UIMC1: variants seen among roughly 807,000 people sequenced by gnomAD.
The protein encoded by UIMC1 is ubiquitin interaction motif containing 1, also known as BRCA1-A complex subunit RAP80.
UIMC1 carries 42 observed loss-of-function variants against 84.9 expected under a neutral mutation model. The ratio of observed to expected loss-of-function variants is 0.49; its 90% CI spans 0.39 to 0.64. The LOEUF is 0.64. Among genes scored for constraint, UIMC1 ranks in the 30% least tolerant of loss-of-function variants. The pLI, the probability that UIMC1 is intolerant of heterozygous loss-of-function variation, is 0.00. For synonymous variants in UIMC1, 281 were observed against 293.0 expected (o/e 0.96, Z 0.42); for missense variants, 825 against 847.6 (o/e 0.97, Z 0.33).
At position 176,913,500 on chromosome 5, in the gene UIMC1, A is replaced by G. The variant is rs141816091; in HGVS notation, c.1598-2111T>C. ...TGTAGCACCCCAAACAGAATCCAAT[A>G]TTCAACAAACAATCCAACTAGTAAA... On this transcript the variant is annotated intron_variant, in intron 10 of 14. Transcript: ENST00000511320. Among the ~76,000 whole-genome samples, 299 of 152,372 alleles carry G rather than the reference A, an allele frequency of 2.0e-3. 1 individual carries two copies. The highest frequency in any genetic ancestry group is 6.8e-3 in the African/African-American group (284 of 41,594).
rs927260711 is a variant in UIMC1 at position 176,943,370 on chromosome 5, G to A, written c.1562C>T (p.Ala521Val). ...CTCCATCAGACCATTGCAGTACATG[G>A]CATGTCGTTCAATCTTTGTGGGTGG... ...CFPPTKIERH[A>V]MYCNGLMEED... is the part of the protein sequence containing the mutation. Residue 521 changes from alanine (A) to valine (V), a missense_variant, in exon 10 of 15, where the codon GCC (alanine) becomes GTC (valine). Physicochemically the swap from Ala to Val is moderately conservative, Grantham distance 64. Coordinates refer to ENST00000511320, the MANE Select transcript of UIMC1 (RefSeq NM_001199298.2). The A allele has an allele frequency of 2.5e-6, 4 of 1,614,060 alleles. No homozygotes were observed. Among genetic ancestry groups the A allele is most frequent in the Non-Finnish European group, 3.4e-6 (4 of 1,179,994 alleles).
chr5:176,944,849 A>G (rs1430367910), intron 9 of UIMC1, among the ~76,000 whole-genome samples: 2 of 152,250 alleles, frequency 1.3e-5, no homozygotes, highest in Non-Finnish European at 2.9e-5. Flanking sequence ...AAAACCTAAA[A>G]GATGAGAAAG....
intron 9 of UIMC1, among the ~76,000 whole-genome samples, chr5:176,947,275 G>T (rs1765243059): frequency 6.6e-6 from 1 of 152,120 alleles, no homozygotes; most frequent in South Asian, 2.1e-4. Context: ...CCTCAAGGGG[G>T]AAAAAGGCAA....
intron 1 of UIMC1, among the ~76,000 whole-genome samples, chr5:177,012,398 C>G (rs1432653866): frequency 2.0e-5 from 3 of 152,170 alleles, no homozygotes; most frequent in Admixed American, 2.0e-4. Flanking sequence ...GTCTTACTGA[C>G]TTCGAAACTG....
Position 176,968,668 on chromosome 5 carries a change from C to T in UIMC1, c.1087G>A (p.Glu363Lys). 6.2e-7 allele frequency: 1 copy of T among 1,614,144 alleles called. No individual in the cohort carries two copies. Among genetic ancestry groups the T allele is most frequent in the Non-Finnish European group, 8.5e-7 (1 of 1,180,038 alleles). The change falls in exon 6 of 15, where the codon GAG (glutamate) becomes AAG (lysine). Residue 363 changes from glutamate to lysine, a missense_variant. Glu to Lys is a moderately conservative substitution (Grantham distance 56). Coordinates refer to ENST00000511320, the MANE Select transcript of UIMC1 (RefSeq NM_001199298.2). ...GAGTGCCAGTCAGATGCCCTAGACT[C>T]CTGCCTCTCCTCTTTGTCTTCATCT... Reference protein sequence around the residue: ...MGDEDKEERQESRASDWHSKT... With the variant: ...MGDEDKEERQKSRASDWHSKT...
chr5:177,019,097 T>C (rs1454819311), intron 1 of UIMC1, among the ~76,000 whole-genome samples: 1 of 152,058 alleles, frequency 6.6e-6, no homozygotes, highest in Non-Finnish European at 1.5e-5. Flanking sequence ...AATAAATAAA[T>C]AAAAAGAGAA....
At chr5:176,983,142 A>G (rs1771306887) in intron 1 of UIMC1, among the ~76,000 whole-genome samples, 1 of 151,654 alleles carries the variant, frequency 6.6e-6, no homozygotes, top group Non-Finnish European at 1.5e-5. Context: ...CCTCAATTTA[A>G]TCTTGTAAAA....
intron 4 of UIMC1, chr5:176,969,910 A>G (rs1291362743): frequency 2.0e-6 from 1 of 495,330 alleles, no homozygotes; most frequent in Non-Finnish European, 3.6e-6. Flanking sequence ...CCCTTTTTTA[A>G]AACAGGGAGG....
intron 9 of UIMC1, among the ~76,000 whole-genome samples, chr5:176,950,100 C>CTT (rs779279628): frequency 0.086 from 9,297 of 108,606 alleles, 1,403 homozygotes; most frequent in African/African-American, 0.27. Context: ...AGGAACCTTT[C>CTT]TTTTTTTTTT....
rs754975421 is a variant in UIMC1, at chr5:176,969,077, C to T, written c.678G>A (p.Glu226=). The T allele has an allele frequency of 6.2e-6, 10 of 1,614,222 alleles. No homozygotes were observed. The East Asian group carries it at 2.2e-4, about 36-fold the overall frequency. The change falls in exon 6 of 15, where the codon GAG becomes GAA. Residue 226 remains glutamate (E), a synonymous_variant. Transcript: ENST00000511320. ...SFDRCTGHSA[E]HTQCGKPQES... ...CCTGTGGCTTCCCACACTGTGTGTG[C>T]TCAGCCGAGTGGCCAGTACATCTGT...
At chr5:176,917,528 C>G (rs1398771263) in intron 10 of UIMC1, among the ~76,000 whole-genome samples, 1 of 152,160 alleles carries the variant, frequency 6.6e-6, no homozygotes, top group Admixed American at 6.5e-5. Flanking sequence ...GCCAAGATTA[C>G]ACCACTGCAC....
intron 3 of UIMC1, 94 bp downstream of exon 3, chr5:176,975,302 G>C (rs1402827330): frequency 1.6e-6 from 2 of 1,214,424 alleles, no homozygotes; most frequent in East Asian, 2.4e-5. Context: ...ATCTATCAGA[G>C]ACCTAAGAAT....
Position 176,960,627 on chromosome 5 carries a change from CCCTCCG to C in UIMC1, c.1201-2479_1201-2474del, listed in dbSNP as rs1176432242. Among the ~76,000 whole-genome samples, 3 of 10,184 alleles carry C rather than the reference CCCTCCG, an allele frequency of 2.9e-4. 1 individual carries two copies. The highest frequency in any genetic ancestry group is 3.3e-3 in the African/African-American group (2 of 600). The allele number at this position is 10,184 out of a possible 152,430, so 6.7% of individuals were successfully genotyped here. A position where few individuals can be genotyped will look rare whatever the true frequency, so the allele number is the denominator to read the frequency against. On this transcript the variant is annotated intron_variant, in intron 6 of 14. Transcript: ENST00000511320. ...TCTCTCCCTCTCCCCCTCCCCCTCC[CCCTCCG>C]TCTCCGTCTCCGTCTCCGTCTCCGT...
intron 10 of UIMC1, among the ~76,000 whole-genome samples, chr5:176,918,483 T>C (rs907690901): frequency 2.6e-5 from 4 of 152,254 alleles, no homozygotes; most frequent in African/African-American, 9.6e-5. Flanking sequence ...TGGTACCAGC[T>C]ATGTATCATA....
In UIMC1 at chr5:176,955,396, C is replaced by A. The variant is rs192277033; in HGVS notation, c.1339+563G>T. Among the ~76,000 whole-genome samples the A allele has an allele frequency of 2.9e-3, 434 of 152,172 alleles. 1 individual carries two copies. The highest frequency in any genetic ancestry group is 0.01 in the African/African-American group (418 of 41,482). On this transcript the variant is annotated intron_variant, in intron 8 of 14. Coordinates refer to ENST00000511320, the MANE Select transcript of UIMC1 (RefSeq NM_001199298.2). The stretch of plus-strand genomic sequence containing the variant: ...AAACTCAATTTCTGAACCTCCTATG[C>A]AGTAAGACCCCAACAAATGGCAATA...
intron 10 of UIMC1, among the ~76,000 whole-genome samples, chr5:176,936,777 T>C (rs752989707): frequency 1.3e-5 from 2 of 152,238 alleles, no homozygotes; most frequent in Non-Finnish European, 2.9e-5. Flanking sequence ...TCTAGGCCCC[T>C]GTTCAAATGT....
intron 1 of UIMC1, among the ~76,000 whole-genome samples, chr5:177,022,102 T>C (rs996977548): frequency 6.6e-6 from 1 of 152,094 alleles, no homozygotes; most frequent in Non-Finnish European, 1.5e-5. Context: ...AGGCAAGAGA[T>C]GGTGGCTCCC....
Position 176,969,282 on chromosome 5 carries a change from T to C in UIMC1, c.473A>G (p.Gln158Arg), listed in dbSNP as rs1210433090. The stretch of plus-strand genomic sequence containing the variant: ...TTTAAACAGTGATGGAGGTACCAGC[T>C]GCCATATGCCTGTAGGTATTTGAGA... ...TDSGLTEGIW[Q>R]LVPPSLFKGS... Residue 158 changes from glutamine to arginine, a missense_variant, in exon 6 of 15, where the codon CAG becomes CGG. Physicochemically the swap from Gln to Arg is conservative, Grantham distance 43. Coordinates refer to ENST00000511320, the MANE Select transcript of UIMC1 (RefSeq NM_001199298.2). 2 of 1,610,544 alleles carry C rather than the reference T, an allele frequency of 1.2e-6. No individual in the cohort carries two copies. Among genetic ancestry groups the C allele is most frequent in the Admixed American group, 1.7e-5 (1 of 59,144 alleles).
At chr5:176,994,770 G>A (rs1284226049) in intron 1 of UIMC1, among the ~76,000 whole-genome samples, 1 of 152,162 alleles carries the variant, frequency 6.6e-6, no homozygotes, top group Non-Finnish European at 1.5e-5. Context: ...AGGCAAGCAG[G>A]CTTACAGAAG....
Sources: allele counts gnomAD v4.1 joint callset (sites outside exome capture counted in the v4.1 genomes callset), GRCh38; gene constraint gnomAD v4.1.1; transcripts MANE v1.5; gene names NCBI Gene and HGNC (gene_info 2026-07-23, HGNC 2026-07-21).